Variants in SMIM35 observed in about 807,000 individuals in gnomAD.
The protein encoded by SMIM35 is TMPRSS4 antisense RNA 1 (non-protein coding).
chr11:118,015,321 C>T (rs1422131861), intron 2 of SMIM35, among the ~76,000 whole-genome samples: 1 of 152,172 alleles, frequency 6.6e-6, no homozygotes, highest in Non-Finnish European at 1.5e-5. Flanking sequence ...GGAGAGGGCC[C>T]TAAGACCCAC....
At position 118,006,027 on chromosome 11, in the gene SMIM35, T is replaced by G. The variant is rs2058120039; in HGVS notation, c.*383A>C. On this transcript the variant is annotated 3_prime_UTR_variant, in exon 5 of 5. Coordinates refer to ENST00000689828, the MANE Select transcript of SMIM35 (RefSeq NM_001394165.1). ...AGCGGGCATTTGGCCCAGCTGGCGC[T>G]TTCTGGGAGGCCTCCTTGGGGAAGA... 6.6e-6 allele frequency: 1 copy of G among 152,348 alleles called. No individual in the cohort carries two copies. Among genetic ancestry groups the G allele is most frequent in the Non-Finnish European group, 1.5e-5 (1 of 68,160 alleles). 9.4% of individuals were successfully genotyped at this position (152,348 alleles called of 1,614,324 possible).
chr11:118,017,834 A>G (rs780707935), intron 1 of SMIM35, among the ~76,000 whole-genome samples: 1 of 152,204 alleles, frequency 6.6e-6, no homozygotes, highest in East Asian at 1.9e-4. Flanking sequence ...GAAGGAGAAG[A>G]GTGCCAAGCA....
At chr11:118,050,044 C>T (rs1420798780) in intron 1 of SMIM35, among the ~76,000 whole-genome samples, 1 of 152,164 alleles carries the variant, frequency 6.6e-6, no homozygotes, top group Non-Finnish European at 1.5e-5. Flanking sequence ...TTTGAAGTCT[C>T]TCAGTACTGG....
intron 1 of SMIM35, among the ~76,000 whole-genome samples, chr11:118,039,274 A>T (rs1591291439): frequency 6.6e-6 from 1 of 152,370 alleles, no homozygotes; most frequent in East Asian, 1.9e-4. Context: ...ATACCCAGTT[A>T]TCTCAACAGG....
At chr11:118,042,804 C>T (rs1238925394) in intron 1 of SMIM35, among the ~76,000 whole-genome samples, 2 of 152,222 alleles carry the variant, frequency 1.3e-5, no homozygotes, top group African/African-American at 4.8e-5. Context: ...AAGTATACAT[C>T]ATAACCAAGC....
intron 1 of SMIM35, among the ~76,000 whole-genome samples, chr11:118,037,759 A>G (rs1591290639): frequency 6.6e-6 from 1 of 152,186 alleles, no homozygotes; most frequent in Non-Finnish European, 1.5e-5. Context: ...AGGTTGTAAT[A>G]CCGCCAATGC....
intron 1 of SMIM35, among the ~76,000 whole-genome samples, chr11:118,061,655 A>T (rs1483790208): frequency 6.6e-6 from 1 of 152,166 alleles, no homozygotes; most frequent in African/African-American, 2.4e-5. Flanking sequence ...TGTTAAGCAG[A>T]ACCTGCTTAT....
chr11:118,059,313 C>A (rs1944362918), intron 1 of SMIM35: 1 of 152,364 alleles, frequency 6.6e-6, no homozygotes, highest in Non-Finnish European at 1.5e-5. Context: ...ACCTGTGATG[C>A]CCAGGCATGG....
chr11:118,015,150 G>A (rs1401192250), intron 2 of SMIM35, among the ~76,000 whole-genome samples: 1 of 152,238 alleles, frequency 6.6e-6, no homozygotes, highest in African/African-American at 2.4e-5. Flanking sequence ...CTCTGTTAAA[G>A]TTAAGTGCAG....
intron 1 of SMIM35, among the ~76,000 whole-genome samples, chr11:118,074,432 G>T (rs1372681338): frequency 5.3e-5 from 8 of 152,170 alleles, no homozygotes. Flanking sequence ...CTGAGGGAGA[G>T]CTGAGGCTTC....
At chr11:118,040,643 G>A (rs1416358878) in intron 1 of SMIM35, among the ~76,000 whole-genome samples, 3 of 151,498 alleles carry the variant, frequency 2.0e-5, no homozygotes, top group Admixed American at 1.3e-4. Flanking sequence ...ATTTGAATAC[G>A]TACACACACA....
intron 1 of SMIM35, among the ~76,000 whole-genome samples, chr11:118,021,988 C>A (rs575366517): frequency 6.6e-6 from 1 of 151,260 alleles, no homozygotes; most frequent in African/African-American, 2.4e-5. Flanking sequence ...ATATATGGAG[C>A]ATTCATCAAG....
intron 1 of SMIM35, among the ~76,000 whole-genome samples, chr11:118,079,158 G>T (rs1944933086): frequency 1.3e-5 from 2 of 152,122 alleles, no homozygotes; most frequent in Admixed American, 1.3e-4. Context: ...GGTCAAGGAA[G>T]TTTCTAGCCC....
Position 118,078,394 on chromosome 11 carries a change from G to T in SMIM35, c.7+8357C>A, listed in dbSNP as rs115714528. Among the ~76,000 whole-genome samples, 44 of 152,284 alleles carry T rather than the reference G, an allele frequency of 2.9e-4. 3 individuals carry two copies. The East Asian group carries it at 5.2e-3, about 18-fold the overall frequency. ...AGGGGGAAGGGTGTGACCTGCAGGGGCCCCTCGAGTGATTGTCTCCTATTC... is the reference window on the plus strand; with the variant it reads ...AGGGGGAAGGGTGTGACCTGCAGGGTCCCCTCGAGTGATTGTCTCCTATTC... On this transcript the variant is annotated intron_variant, in intron 1 of 4. Coordinates refer to ENST00000689828, the MANE Select transcript of SMIM35 (RefSeq NM_001394165.1).
chr11:118,064,187 A>G (rs185127547), intron 1 of SMIM35, among the ~76,000 whole-genome samples: 7 of 152,232 alleles, frequency 4.6e-5, no homozygotes, highest in Middle Eastern at 3.2e-3. Context: ...GCATTTGGTC[A>G]CAGAAGTCTA....
rs138535558 is a variant in SMIM35, at chr11:118,030,688, G to A, written c.8-14879C>T. 5.4e-3 allele frequency among the ~76,000 whole-genome samples: 816 copies of A among 152,054 alleles called. 6 individuals carry two copies. Among genetic ancestry groups the A allele is most frequent in the Non-Finnish European group, 8.3e-3 (561 of 67,970 alleles). On this transcript the variant is annotated intron_variant, in intron 1 of 4. Coordinates refer to ENST00000689828, the MANE Select transcript of SMIM35 (RefSeq NM_001394165.1). Reference sequence around the variant, plus strand: ...CCATAAAGATGGGAAGCCTGGTGTGGGGAGTCAGGGCTGAGCAGGAAGAGG... The same window carrying A: ...CCATAAAGATGGGAAGCCTGGTGTGAGGAGTCAGGGCTGAGCAGGAAGAGG...
intron 1 of SMIM35, among the ~76,000 whole-genome samples, chr11:118,071,686 C>T (rs144349455): frequency 1.4e-3 from 216 of 152,318 alleles, no homozygotes; most frequent in African/African-American, 5.1e-3. Context: ...GCTCTGCTGG[C>T]TGGAAGGAAC....
chr11:118,068,505 G>A (rs1944520800), intron 1 of SMIM35, among the ~76,000 whole-genome samples: 1 of 152,192 alleles, frequency 6.6e-6, no homozygotes, highest in Non-Finnish European at 1.5e-5. Context: ...TTGGATGAAG[G>A]AGAGGCTTTT....
chr11:118,047,611 G>A (rs1311465949), intron 1 of SMIM35, among the ~76,000 whole-genome samples: 1 of 152,232 alleles, frequency 6.6e-6, no homozygotes, highest in East Asian at 1.9e-4. Flanking sequence ...GTCCTGTCCA[G>A]AGACTGAGGG....
Sources: allele counts gnomAD v4.1 joint callset (sites outside exome capture counted in the v4.1 genomes callset), GRCh38; gene constraint gnomAD v4.1.1; transcripts MANE v1.5; gene names NCBI Gene and HGNC (gene_info 2026-07-23, HGNC 2026-07-21).